Variants in ZFP92 observed in about 807,000 individuals in gnomAD.
The protein encoded by ZFP92 is zinc finger protein 92 homolog.
In ZFP92, 2 loss-of-function variants were observed where a neutral mutation model predicts 7.6. The observed-to-expected ratio is 0.26, with a 90% confidence interval of 0.11 to 0.83. ZFP92 has a LOEUF of 0.83. Among genes scored for constraint, ZFP92 ranks in the 40% least tolerant of loss-of-function variants. The pLI, the probability that ZFP92 is intolerant of heterozygous loss-of-function variation, is 0.65. For synonymous variants in ZFP92, 226 were observed against 183.6 expected, an observed-to-expected ratio of 1.23 and a Z score of -1.87; for missense variants, 324 against 408.3, an observed-to-expected ratio of 0.79 and a Z score of 1.78.
rs1031048493 is a variant in ZFP92, at chrX:153,422,627, C to G, written c.*999C>G. On this transcript the variant is annotated 3_prime_UTR_variant, in exon 6 of 6. Transcript: ENST00000338647. Reference sequence around the variant, plus strand: ...TACCTGCTCCTCCCCATCAGGCAGCCTCTCTTGCGGCTGGTGACGATTAGG... The same window carrying G: ...TACCTGCTCCTCCCCATCAGGCAGCGTCTCTTGCGGCTGGTGACGATTAGG... 9.0e-6 allele frequency: 1 copy of G among 110,935 alleles called. No homozygotes were observed. The highest frequency in any genetic ancestry group is 3.3e-5 in the African/African-American group (1 of 30,434). The allele number at this position is 110,935 out of a possible 1,213,427, so 9.1% of individuals were successfully genotyped here.
At chrX:153,418,013 G>A (rs1469588918) in intron 2 of ZFP92, among the ~76,000 whole-genome samples, 1 of 112,142 alleles carries the variant, frequency 8.9e-6, no homozygotes, top group Non-Finnish European at 1.9e-5. Context: ...GGCTTCAGTG[G>A]AGCGGGGGCC....
rs1257372081 is a variant in ZFP92, at chrX:153,423,440, T to C, written c.*1812T>C. The C allele has an allele frequency of 9.1e-6, 1 of 109,457 alleles. No homozygotes were observed. Among genetic ancestry groups the C allele is most frequent in the Non-Finnish European group, 1.9e-5 (1 of 52,955 alleles). The allele number at this position is 109,457 out of a possible 1,213,427, so 9.0% of individuals were successfully genotyped here. A position where few individuals can be genotyped will look rare whatever the true frequency, so the allele number is the denominator to read the frequency against. On this transcript the variant is annotated 3_prime_UTR_variant, in exon 6 of 6. Transcript: ENST00000338647. ...CACACACACACACACACACGATATA[T>C]ATAGTTTTATGAAAACTTCTAGAGT...
At position 153,421,870 on chromosome X, in the gene ZFP92, G is replaced by A. The variant is rs1365144952; in HGVS notation, c.*242G>A. On this transcript the variant is annotated 3_prime_UTR_variant, in exon 6 of 6. Coordinates refer to ENST00000338647, the MANE Select transcript of ZFP92 (RefSeq NM_001136273.2). The stretch of plus-strand genomic sequence containing the variant: ...CTGGCTCCTCCATCAACGGCAGTGC[G>A]GGCTGGGAATGGAGGCCCTCTACTC... 14 of 286,533 alleles carry A rather than the reference G, an allele frequency of 4.9e-5. No homozygotes were observed. The highest frequency in any genetic ancestry group is 7.1e-5 in the Non-Finnish European group (13 of 183,928). The allele number at this position is 286,533 out of a possible 1,213,427, so 23.6% of individuals were successfully genotyped here.
At chrX:153,416,045 C>G (rs782243884) in intron 2 of ZFP92, among the ~76,000 whole-genome samples, 1 of 111,374 alleles carries the variant, frequency 9.0e-6, no homozygotes, top group African/African-American at 3.3e-5. Context: ...TCCCCAGTCT[C>G]CTTTCTCCCC....
Position 153,420,737 on chromosome X carries a change from G to A in ZFP92, c.360G>A (p.Gln120=), listed in dbSNP as rs2088991901. 2.8e-5 allele frequency: 33 copies of A among 1,157,965 alleles called. No individual in the cohort carries two copies. Among genetic ancestry groups the A allele is most frequent in the Non-Finnish European group, 3.3e-5 (29 of 866,394 alleles). ...ATCCACAAGGTGGCAAGGAGGGGCAGGCGGCGAGGTCGTCTGTGCTCCAGA... is the reference window on the plus strand; with the variant it reads ...ATCCACAAGGTGGCAAGGAGGGGCAAGCGGCGAGGTCGTCTGTGCTCCAGA... ...GADPQGGKEG[Q]AARSSVLQRG... The change falls in exon 6 of 6, where the codon CAG becomes CAA. Residue 120 remains glutamine, a synonymous_variant. Transcript: ENST00000338647.
At chrX:153,413,924 A>C (rs2088929595) in intron 2 of ZFP92, among the ~76,000 whole-genome samples, 1 of 112,218 alleles carries the variant, frequency 8.9e-6, no homozygotes, top group Non-Finnish European at 1.9e-5. Context: ...CCGATGCTGC[A>C]CTTGAGTGCG....
At chrX:153,420,588 T>C in intron 5 of ZFP92, 55 bp from the exon 6 acceptor site, 1 of 1,099,467 alleles carries the variant, frequency 9.1e-7, no homozygotes, top group Non-Finnish European at 1.2e-6. Flanking sequence ...CTCCTGCTCG[T>C]TCATCTCTCT....
At chrX:153,418,161 T>C (rs985595917) in intron 2 of ZFP92, among the ~76,000 whole-genome samples, 144 bp from the exon 3 acceptor site, 67 of 112,082 alleles carry the variant, frequency 6.0e-4, no homozygotes, top group African/African-American at 2.1e-3. Context: ...GAGGGGCCCT[T>C]GGTGAAGCTG....
At position 153,416,671 on chromosome X, in the gene ZFP92, T is replaced by G. The variant is rs782224669; in HGVS notation, c.-18-1634T>G. 3.6e-5 allele frequency among the ~76,000 whole-genome samples: 4 copies of G among 111,593 alleles called. No individual in the cohort carries two copies. In the Admixed American group the frequency reaches 3.8e-4, roughly 11 times the overall value. ...AACCAGGAAGTAGCTGGTGGGGGCG[T>G]GTGCTGAGAAAGGAACAATCTTTTA... is the stretch of plus-strand genomic sequence containing the variant. On this transcript the variant is annotated intron_variant, in intron 2 of 5. Coordinates refer to ENST00000338647, the MANE Select transcript of ZFP92 (RefSeq NM_001136273.2).
rs1485373273 is a variant in ZFP92, at chrX:153,425,635, G to A, written c.*4007G>A. The A allele has an allele frequency of 1.8e-5, 2 of 111,710 alleles. No individual in the cohort carries two copies. The highest frequency in any genetic ancestry group is 7.7e-4 in the South Asian group (2 of 2,590). 9.2% of individuals were successfully genotyped at this position (111,710 alleles called of 1,213,427 possible). On this transcript the variant is annotated 3_prime_UTR_variant, in exon 6 of 6. Transcript: ENST00000338647. ...GTCTCGATGGTTGTGATGCCCATGA[G>A]GTGTTGGGCTGGGGGCATGATGACG...
intron 2 of ZFP92, among the ~76,000 whole-genome samples, chrX:153,416,649 C>G (rs2088953901): frequency 8.9e-6 from 1 of 111,882 alleles, no homozygotes; most frequent in Non-Finnish European, 1.9e-5. Context: ...GCAGAGAAAC[C>G]AGGAAGTAGC....
intron 3 of ZFP92, 128 bp from the exon 4 acceptor site, chrX:153,418,545 C>A: frequency 1.0e-6 from 1 of 1,002,502 alleles, no homozygotes; most frequent in Non-Finnish European, 1.3e-6. Context: ...ACAACTCGTG[C>A]AACCCGAGTC....
At chrX:153,417,011 T>C (rs2088957637) in intron 2 of ZFP92, among the ~76,000 whole-genome samples, 1 of 111,674 alleles carries the variant, frequency 9.0e-6, no homozygotes, top group Admixed American at 9.5e-5. Context: ...AATCTGTTCA[T>C]GAGGGACTCA....
rs140765021 is a variant in ZFP92, at chrX:153,415,978, C to A, written c.-18-2327C>A. Among the ~76,000 whole-genome samples, 448 of 111,126 alleles carry A rather than the reference C, an allele frequency of 4.0e-3. 1 individual carries two copies. The highest frequency in any genetic ancestry group is 0.013 in the African/African-American group (395 of 30,541). ...TTACGCCAGCATCTCATTGACGACC[C>A]CTCTTGCAGTTGGGTGTTGGACCCC... On this transcript the variant is annotated intron_variant, in intron 2 of 5. Coordinates refer to ENST00000338647, the MANE Select transcript of ZFP92 (RefSeq NM_001136273.2).
rs191771221 is a variant in ZFP92 at position 153,411,571 on chromosome X, A to C, written c.-200A>C. The stretch of plus-strand genomic sequence containing the variant: ...GAGGCGAAGTCGAGACAAGCCCAGG[A>C]GCCCCCACCCCCCGCCCGCGTTTCC... On this transcript the variant is annotated 5_prime_UTR_variant, in exon 1 of 6. Coordinates refer to ENST00000338647, the MANE Select transcript of ZFP92 (RefSeq NM_001136273.2). Among the ~76,000 whole-genome samples the C allele has an allele frequency of 0.012, 1,384 of 112,463 alleles. 23 individuals are homozygous for C. Among genetic ancestry groups the C allele is most frequent in the African/African-American group, 0.041 (1,274 of 31,017 alleles).
chrX:153,418,315 C>T lies in ZFP92; in HGVS notation c.-8C>T. On this transcript the variant is annotated 5_prime_UTR_variant, in exon 3 of 6. Coordinates refer to ENST00000338647, the MANE Select transcript of ZFP92 (RefSeq NM_001136273.2). ...TTGCATTTCCCTTAGCTCCTCTGCGCCCTGGTGATGGCAGCCATTCTCCTG... is the reference window on the plus strand; with the variant it reads ...TTGCATTTCCCTTAGCTCCTCTGCGTCCTGGTGATGGCAGCCATTCTCCTG... 1 of 1,167,819 alleles carries T rather than the reference C, an allele frequency of 8.6e-7. No individual in the cohort carries two copies. The highest frequency in any genetic ancestry group is 1.1e-6 in the Non-Finnish European group (1 of 872,995).
intron 4 of ZFP92, 123 bp downstream of exon 4, chrX:153,418,922 T>A: frequency 1.0e-6 from 1 of 979,010 alleles, no homozygotes; most frequent in Non-Finnish European, 1.4e-6. Flanking sequence ...CATTTCTCCA[T>A]CAGACCAGTA....
rs2089013066 is a variant in ZFP92, at chrX:153,422,555, C to T, written c.*927C>T. 9.1e-6 allele frequency: 1 copy of T among 109,970 alleles called. No homozygotes were observed. 9.1% of individuals were successfully genotyped at this position (109,970 alleles called of 1,213,427 possible). A position where few individuals can be genotyped will look rare whatever the true frequency, so the allele number is the denominator to read the frequency against. On this transcript the variant is annotated 3_prime_UTR_variant, in exon 6 of 6. Coordinates refer to ENST00000338647, the MANE Select transcript of ZFP92 (RefSeq NM_001136273.2). ...AAAGGCCACCCTGGCCTCTCTGTCC[C>T]CTGTCCCCCTGCCCCGCCCCACCAC... is the stretch of plus-strand genomic sequence containing the variant.
intron 2 of ZFP92, among the ~76,000 whole-genome samples, chrX:153,412,872 C>T (rs1270682192): frequency 8.9e-6 from 1 of 112,269 alleles, no homozygotes; most frequent in Admixed American, 9.3e-5. Context: ...AGCGAGCAGC[C>T]TGGGTGGCCC....
Sources: gnomAD v4.1 joint callset for allele counts (sites outside exome capture counted in the v4.1 genomes callset) on GRCh38, gnomAD v4.1.1 for gene constraint, MANE v1.5 for transcripts, NCBI Gene and HGNC (gene_info 2026-07-23, HGNC 2026-07-21) for gene names.